Variants in CDYL observed in about 807,000 individuals in gnomAD.
The protein encoded by CDYL is chromodomain Y-like protein.
CDYL carries 8 observed loss-of-function variants against 47.3 expected under a neutral mutation model. The observed-to-expected ratio is 0.17, with a 90% CI of 0.10 to 0.31. The LOEUF (loss-of-function observed/expected upper bound fraction) is 0.31. Ranked by LOEUF, CDYL falls within the 10% of genes least tolerant of loss-of-function variation. The pLI, the probability that CDYL is intolerant of heterozygous loss-of-function variation, is 1.00. For synonymous variants in CDYL, 266 were observed against 265.0 expected (o/e 1.00, Z -0.04); for missense variants, 471 against 701.4 (o/e 0.67, Z 3.71).
intron 5 of CDYL, among the ~76,000 whole-genome samples, chr6:4,950,862 G>A (rs1758679664): frequency 6.6e-6 from 1 of 151,678 alleles, no homozygotes. Context: ...AGCCTGGGAG[G>A]CGGAGCTTGC....
At chr6:4,940,319 T>C (rs1758327663) in intron 4 of CDYL, among the ~76,000 whole-genome samples, 1 of 152,192 alleles carries the variant, frequency 6.6e-6, no homozygotes, top group African/African-American at 2.4e-5. Context: ...ATCAGAAAAA[T>C]AATTAGTTAC....
chr6:4,862,093 C>G (rs1034471740), intron 1 of CDYL, among the ~76,000 whole-genome samples: 1 of 152,144 alleles, frequency 6.6e-6, no homozygotes, highest in Non-Finnish European at 1.5e-5. Flanking sequence ...CTTGCTCTTG[C>G]GGGTACTGTG....
At chr6:4,916,481 T>C (rs1205355041) in intron 2 of CDYL, among the ~76,000 whole-genome samples, 2 of 152,218 alleles carry the variant, frequency 1.3e-5, no homozygotes, top group African/African-American at 4.8e-5. Flanking sequence ...ACTGAGTGAA[T>C]GTCACAACCA....
intron 3 of CDYL, among the ~76,000 whole-genome samples, chr6:4,758,351 A>AAAAAATATATATAT (rs1554134098): frequency 7.7e-6 from 1 of 129,074 alleles, no homozygotes; most frequent in African/African-American, 3.1e-5. Flanking sequence ...AAAATAAATA[A>AAAAAATATATATAT]ATATATATAT....
At chr6:4,794,460 G>A (rs1244807718) in intron 1 of CDYL, among the ~76,000 whole-genome samples, 1 of 152,120 alleles carries the variant, frequency 6.6e-6, no homozygotes, top group Non-Finnish European at 1.5e-5. Flanking sequence ...TGGTGATTAT[G>A]GGCGACTCCT....
intron 1 of CDYL, among the ~76,000 whole-genome samples, chr6:4,833,870 G>T (rs1242161864): frequency 6.6e-6 from 1 of 151,968 alleles, no homozygotes; most frequent in East Asian, 1.9e-4. Context: ...TTTAAAGTCT[G>T]TTTTATCCGA....
At chr6:4,898,109 C>T (rs1365765835) in intron 2 of CDYL, among the ~76,000 whole-genome samples, 2 of 152,038 alleles carry the variant, frequency 1.3e-5, no homozygotes, top group Non-Finnish European at 2.9e-5. Context: ...GTAGTCCCAG[C>T]TACTTAAGAG....
At chr6:4,949,124 G>A (rs1317136138) in intron 5 of CDYL, among the ~76,000 whole-genome samples, 1 of 152,270 alleles carries the variant, frequency 6.6e-6, no homozygotes, top group Non-Finnish European at 1.5e-5. Flanking sequence ...CGAGGGCTAC[G>A]TAAATCAGCC....
At chr6:4,883,594 A>G (rs2127479355) in intron 1 of CDYL, among the ~76,000 whole-genome samples, 1 of 152,312 alleles carries the variant, frequency 6.6e-6, no homozygotes, top group Non-Finnish European at 1.5e-5. Context: ...TGGACTGACC[A>G]CTGTCAGGCA....
At chr6:4,828,907 A>T (rs1399774173) in intron 1 of CDYL, among the ~76,000 whole-genome samples, 1 of 151,928 alleles carries the variant, frequency 6.6e-6, no homozygotes, top group African/African-American at 2.4e-5. Context: ...TCTCTAGTGA[A>T]TTTTTTATTT....
At chr6:4,823,745 A>G (rs1201486295) in intron 1 of CDYL, among the ~76,000 whole-genome samples, 1 of 152,234 alleles carries the variant, frequency 6.6e-6, no homozygotes, top group Non-Finnish European at 1.5e-5. Flanking sequence ...TACGTAACCT[A>G]ACATTTGCCA....
chr6:4,804,648 C>T (rs143644201), intron 1 of CDYL, among the ~76,000 whole-genome samples: 2 of 152,302 alleles, frequency 1.3e-5, no homozygotes, highest in African/African-American at 4.8e-5. Context: ...GGTTTCTAGA[C>T]CCTGGCACTG....
At chr6:4,924,713 C>G (rs970202422) in intron 2 of CDYL, among the ~76,000 whole-genome samples, 60 of 152,164 alleles carry the variant, frequency 3.9e-4, no homozygotes, top group African/African-American at 1.4e-3. Context: ...AAATGAACGA[C>G]TTCGATACTG....
At chr6:4,784,982 C>G (rs1366291442) in intron 1 of CDYL, among the ~76,000 whole-genome samples, 1 of 152,172 alleles carries the variant, frequency 6.6e-6, no homozygotes, top group South Asian at 2.1e-4. Flanking sequence ...TTGTGAGGCC[C>G]CCCCAGCCAT....
intron 1 of CDYL, among the ~76,000 whole-genome samples, chr6:4,795,118 A>C (rs556787511): frequency 6.6e-6 from 1 of 152,128 alleles, no homozygotes; most frequent in South Asian, 2.1e-4. Flanking sequence ...TTACTATTAA[A>C]TAAAAGCTGT....
rs114961590 is a variant in CDYL, at chr6:4,824,410, T to C, written c.24+47603T>C. 8.5e-3 allele frequency among the ~76,000 whole-genome samples: 1,292 copies of C among 152,356 alleles called. 22 individuals carry two copies. Among genetic ancestry groups the C allele is most frequent in the African/African-American group, 0.03 (1,242 of 41,596 alleles). ...CAGCACTTATTTTCCATTTTTAAAA[T>C]TATAGTCATCCTCATAGATTTAAAG... On this transcript the variant is annotated intron_variant, in intron 1 of 6. Transcript: ENST00000397588.
intron 1 of CDYL, among the ~76,000 whole-genome samples, chr6:4,845,484 A>G (rs1183397766): frequency 6.6e-6 from 1 of 152,226 alleles, no homozygotes; most frequent in Non-Finnish European, 1.5e-5. Flanking sequence ...TTAAAATCAG[A>G]ATAACAAATA....
At chr6:4,783,592 T>G (rs556038801) in intron 1 of CDYL, among the ~76,000 whole-genome samples, 4 of 152,148 alleles carry the variant, frequency 2.6e-5, no homozygotes, top group Admixed American at 2.0e-4. Context: ...ATTTTTTGTA[T>G]TTTTAGTAGA....
Position 4,953,383 on chromosome 6 carries a change from CA to C in CDYL, c.1477-505del, listed in dbSNP as rs531568876. On this transcript the variant is annotated intron_variant, in intron 6 of 6. Transcript: ENST00000397588. ...TGGGCAACAAAGCAAGACCCTGTGT[CA>C]AAAAAAAAACCACAAATAATTTTTT... Among the ~76,000 whole-genome samples the C allele has an allele frequency of 6.3e-5, 9 of 143,958 alleles. No individual in the cohort carries two copies. The East Asian group carries it at 6.4e-4, about 10-fold the overall frequency. The allele number at this position is 143,958 out of a possible 152,430, so 94.4% of individuals were successfully genotyped here. A position where few individuals can be genotyped will look rare whatever the true frequency, so the allele number is the denominator to read the frequency against.
Sources: gnomAD v4.1 joint callset for allele counts (sites outside exome capture counted in the v4.1 genomes callset) on GRCh38, gnomAD v4.1.1 for gene constraint, MANE v1.5 for transcripts, NCBI Gene and HGNC (gene_info 2026-07-23, HGNC 2026-07-21) for gene names.